Variants in BRD10 observed in about 807,000 individuals in gnomAD.
BRD10 encodes the protein bromodomain containing 10, also known as uncharacterized bromodomain-containing protein 10.
chr9:5,988,395 C>A, the BRD10 span: 3 of 1,613,736 alleles, frequency 1.9e-6, no homozygotes, highest in East Asian at 6.7e-5. Context: ...AAACTTGAAC[C>A]ATTATAGATT....
the BRD10 span, among the ~76,000 whole-genome samples, chr9:5,991,041 A>T: frequency 1.3e-5 from 2 of 152,338 alleles, no homozygotes; most frequent in Admixed American, 1.3e-4. Flanking sequence ...ATTAAAACGA[A>T]TCAAGTATAT....
the BRD10 span, among the ~76,000 whole-genome samples, chr9:5,889,348 C>T: frequency 7.5e-4 from 115 of 152,324 alleles, no homozygotes; most frequent in African/African-American, 2.6e-3. Flanking sequence ...AGGGAAAATC[C>T]TTCCACAACC....
the BRD10 span, among the ~76,000 whole-genome samples, chr9:5,970,909 G>A: frequency 1.3e-5 from 2 of 151,832 alleles, no homozygotes; most frequent in African/African-American, 4.8e-5. Flanking sequence ...AAAATTAGCT[G>A]GGCATGGTGG....
the BRD10 span, among the ~76,000 whole-genome samples, chr9:5,926,734 T>C: frequency 2.6e-5 from 4 of 152,122 alleles, no homozygotes; most frequent in African/African-American, 4.8e-5. Flanking sequence ...GGTTTCATCA[T>C]GTTAGCCAGG....
the BRD10 span, chr9:5,920,828 A>G: frequency 6.2e-5 from 100 of 1,613,940 alleles, no homozygotes; most frequent in Non-Finnish European, 1.9e-5. Flanking sequence ...AGTTGAAATC[A>G]GAACAGATGA....
At chr9:5,976,645 G>A in the BRD10 span, among the ~76,000 whole-genome samples, 1 of 151,976 alleles carries the variant, frequency 6.6e-6, no homozygotes, top group Admixed American at 6.6e-5. Flanking sequence ...TGTTGTTTAT[G>A]GCAGATTTCT....
At chr9:5,979,004 T>C in the BRD10 span, among the ~76,000 whole-genome samples, 1 of 152,238 alleles carries the variant, frequency 6.6e-6, no homozygotes. Flanking sequence ...TATTTAAAAA[T>C]GCTGGGTGGC....
the BRD10 span, among the ~76,000 whole-genome samples, chr9:5,911,882 G>C: frequency 6.6e-6 from 1 of 152,084 alleles, no homozygotes; most frequent in African/African-American, 2.4e-5. Context: ...GGGACTTTGT[G>C]ATTCTATATA....
the BRD10 span, among the ~76,000 whole-genome samples, chr9:5,969,627 T>C: frequency 1.3e-5 from 2 of 152,178 alleles, no homozygotes; most frequent in Non-Finnish European, 2.9e-5. Flanking sequence ...CACTGCAACC[T>C]CTGCCTCGCG....
the BRD10 span, among the ~76,000 whole-genome samples, chr9:5,991,214 G>C: frequency 6.6e-6 from 1 of 151,700 alleles, no homozygotes; most frequent in Non-Finnish European, 1.5e-5. Context: ...TGCATGTACA[G>C]ACACACTACT....
the BRD10 span, among the ~76,000 whole-genome samples, chr9:5,998,196 T>C: frequency 6.6e-6 from 1 of 152,132 alleles, no homozygotes; most frequent in East Asian, 1.9e-4. Context: ...CTATTAACAG[T>C]AGGATTGGCC....
chr9:5,998,163 G>C, the BRD10 span, among the ~76,000 whole-genome samples: 11 of 152,202 alleles, frequency 7.2e-5, no homozygotes, highest in African/African-American at 2.6e-4. Context: ...ATGGCTACTG[G>C]ACACTCAATT....
chr9:5,914,408 TG>T, the BRD10 span, among the ~76,000 whole-genome samples: 16 of 118,588 alleles, frequency 1.3e-4, no homozygotes, highest in African/African-American at 2.1e-4. Context: ...CAAATCCAGA[TG>T]GTTTTTTTTT....
the BRD10 span, among the ~76,000 whole-genome samples, chr9:5,904,406 C>T: frequency 6.6e-6 from 1 of 152,042 alleles, no homozygotes; most frequent in Non-Finnish European, 1.5e-5. Flanking sequence ...CTTTTTCTGC[C>T]TTTTGTGATT....
the BRD10 span, among the ~76,000 whole-genome samples, chr9:5,927,976 A>G: frequency 1.3e-5 from 2 of 152,180 alleles, no homozygotes; most frequent in East Asian, 1.9e-4. Flanking sequence ...TGCTTATTCA[A>G]TAACACCAAT....
the BRD10 span, among the ~76,000 whole-genome samples, chr9:5,998,844 A>C: frequency 6.6e-6 from 1 of 152,178 alleles, no homozygotes; most frequent in Non-Finnish European, 1.5e-5. Flanking sequence ...CTAGCGTACT[A>C]GAATTGTACG....
chr9:5,970,425 C>G, the BRD10 span, among the ~76,000 whole-genome samples: 78 of 151,914 alleles, frequency 5.1e-4, no homozygotes, highest in South Asian at 5.4e-3. Context: ...GTGCTTTTTT[C>G]CCCCTTAAGA....
At chr9:5,891,026 A>T in the BRD10 span, 2 of 152,038 alleles carry the variant, frequency 1.3e-5, no homozygotes, top group Non-Finnish European at 2.9e-5. Flanking sequence ...GCCTACCCTC[A>T]TTGCCCCGCT....
chr9:5,890,024 A>G, the BRD10 span, among the ~76,000 whole-genome samples: 1 of 152,008 alleles, frequency 6.6e-6, no homozygotes, highest in Non-Finnish European at 1.5e-5. Context: ...GGATTTTTCT[A>G]TTTCCTTTTC....
Sources: gnomAD v4.1 joint callset for allele counts (sites outside exome capture counted in the v4.1 genomes callset) on GRCh38, gnomAD v4.1.1 for gene constraint, MANE v1.5 for transcripts, NCBI Gene and HGNC (gene_info 2026-07-23, HGNC 2026-07-21) for gene names.